RAB39A: variants seen among roughly 807,000 people sequenced by gnomAD.
The protein encoded by RAB39A is ras-related protein Rab-39A.
In RAB39A, 17 loss-of-function variants were observed where a neutral mutation model predicts 20.9. The ratio of observed to expected loss-of-function variants is 0.81; its 90% confidence interval spans 0.56 to 1.22. RAB39A has a LOEUF of 1.22. Among genes scored for constraint, RAB39A ranks in the 50% most tolerant of loss-of-function variants. The pLI is 0.00. For synonymous variants in RAB39A, 99 were observed against 103.4 expected (o/e 0.96, Z 0.26); for missense variants, 234 against 270.5 (o/e 0.87, Z 0.95).
chr11:107,941,955 T>C (rs1861263609), intron 1 of RAB39A, among the ~76,000 whole-genome samples: 1 of 151,874 alleles, frequency 6.6e-6, no homozygotes, highest in African/African-American at 2.4e-5. Flanking sequence ...AAAAAGTAGC[T>C]GGGTTTGATG....
chr11:107,962,443 C>T lies in RAB39A; in HGVS notation c.*71C>T. The T allele has an allele frequency of 1.5e-6, 2 of 1,330,572 alleles. No homozygotes were observed. The highest frequency in any genetic ancestry group is 2.1e-6 in the Non-Finnish European group (2 of 973,756). The allele number at this position is 1,330,572 out of a possible 1,614,324, so 82.4% of individuals were successfully genotyped here. On this transcript the variant is annotated 3_prime_UTR_variant, in exon 2 of 2. Transcript: ENST00000320578. ...TCAGGATAAATACCAACATTAACAG[C>T]AGAATGATGCAATGAAAGAATTTAA...
At chr11:107,934,546 C>T (rs1422035692) in intron 1 of RAB39A, among the ~76,000 whole-genome samples, 2 of 152,310 alleles carry the variant, frequency 1.3e-5, no homozygotes, top group East Asian at 3.9e-4. Flanking sequence ...CCACTAAATA[C>T]TTGAGGTTTG....
intron 1 of RAB39A, among the ~76,000 whole-genome samples, chr11:107,957,690 A>G (rs1861451360): frequency 6.6e-6 from 1 of 152,090 alleles, no homozygotes; most frequent in Admixed American, 6.5e-5. Context: ...CTCACACTGT[A>G]TTTAGGGGTT....
At chr11:107,960,113 G>A (rs1861480397) in intron 1 of RAB39A, among the ~76,000 whole-genome samples, 1 of 151,966 alleles carries the variant, frequency 6.6e-6, no homozygotes, top group Admixed American at 6.6e-5. Flanking sequence ...GGGAGGCCAA[G>A]GCAGGAGAAT....
chr11:107,953,216 T>G (rs566478232), intron 1 of RAB39A, among the ~76,000 whole-genome samples: 2 of 152,340 alleles, frequency 1.3e-5, no homozygotes, highest in Admixed American at 1.3e-4. Context: ...TGAACTTTAG[T>G]CTTGTAAAGC....
chr11:107,955,981 T>G (rs1034043569), intron 1 of RAB39A, among the ~76,000 whole-genome samples: 1 of 152,038 alleles, frequency 6.6e-6, no homozygotes, highest in Non-Finnish European at 1.5e-5. Flanking sequence ...AGGACTCCCT[T>G]CCCCCAAGAA....
intron 1 of RAB39A, among the ~76,000 whole-genome samples, chr11:107,942,169 A>G (rs1440675766): frequency 6.6e-6 from 1 of 152,132 alleles, no homozygotes; most frequent in African/African-American, 2.4e-5. Context: ...AAGATAATCA[A>G]AAATGGAATA....
intron 1 of RAB39A, among the ~76,000 whole-genome samples, chr11:107,932,518 G>GCT (rs1293015769): frequency 1.3e-5 from 2 of 152,166 alleles, no homozygotes; most frequent in Non-Finnish European, 2.9e-5. Flanking sequence ...AGAAAGAGCA[G>GCT]CTCTATACCA....
At position 107,928,797 on chromosome 11, in the gene RAB39A, T is replaced by C; in HGVS notation, c.227+2T>C. The C allele has an allele frequency of 6.5e-7, 1 of 1,538,196 alleles. No individual in the cohort carries two copies. The highest frequency in any genetic ancestry group is 1.4e-5 in the African/African-American group (1 of 73,036). The stretch of plus-strand genomic sequence containing the variant: ...CACGGCGGGACAGGAGCGGTTCAGG[T>C]AGGGACCCCGGGGACCTTGGGCACC... On this transcript the variant is annotated splice_donor_variant, in intron 1 of 1. Coordinates refer to ENST00000320578, the MANE Select transcript of RAB39A (RefSeq NM_017516.3). LOFTEE classifies it high-confidence loss of function. The surrounding 1 kb of genome is among the most constrained non-coding windows in gnomAD (Gnocchi z 4.9).
chr11:107,946,448 A>G (rs1320125466), intron 1 of RAB39A, among the ~76,000 whole-genome samples: 8 of 70,120 alleles, frequency 1.1e-4, no homozygotes, highest in African/African-American at 4.1e-4. Flanking sequence ...ATATATATAT[A>G]TATATATATA....
intron 1 of RAB39A, among the ~76,000 whole-genome samples, chr11:107,960,804 G>A (rs1002853231): frequency 1.6e-4 from 24 of 152,156 alleles, no homozygotes; most frequent in African/African-American, 5.8e-4. Flanking sequence ...TAGAAGCAGA[G>A]GAATACCACC....
At chr11:107,931,863 CTTTTTTTTTT>C (rs35328521) in intron 1 of RAB39A, among the ~76,000 whole-genome samples, 4 of 118,040 alleles carry the variant, frequency 3.4e-5, no homozygotes, top group Admixed American at 2.7e-4. Flanking sequence ...TTCTTTCCTT[CTTTTTTTTTT>C]TTTTTTTTTT....
At chr11:107,952,012 A>G (rs1861385710) in intron 1 of RAB39A, among the ~76,000 whole-genome samples, 1 of 152,204 alleles carries the variant, frequency 6.6e-6, no homozygotes, top group Non-Finnish European at 1.5e-5. Flanking sequence ...TAATCTTTGT[A>G]AATGTATGCA....
chr11:107,953,242 A>G (rs1335274467), intron 1 of RAB39A, among the ~76,000 whole-genome samples: 3 of 152,174 alleles, frequency 2.0e-5, no homozygotes, highest in African/African-American at 4.8e-5. Context: ...TGAAAGATAT[A>G]AGAGATTTGT....
rs566145201 is a variant in RAB39A at position 107,932,384 on chromosome 11, G to A, written c.227+3589G>A. Among the ~76,000 whole-genome samples the A allele has an allele frequency of 2.6e-5, 4 of 152,278 alleles. No homozygotes were observed. In the East Asian group the frequency reaches 5.8e-4, roughly 22 times the overall value. On this transcript the variant is annotated intron_variant, in intron 1 of 1. Coordinates refer to ENST00000320578, the MANE Select transcript of RAB39A (RefSeq NM_017516.3). ...TAGAGTGGTCCAAGTTGGTGGAGTG[G>A]TTCTGCACCAGACCATCATTCAGTT...
At chr11:107,937,800 C>T (rs1861211314) in intron 1 of RAB39A, among the ~76,000 whole-genome samples, 1 of 152,152 alleles carries the variant, frequency 6.6e-6, no homozygotes, top group African/African-American at 2.4e-5. Flanking sequence ...GTCTCTGAGC[C>T]TCTTATTCAA....
At position 107,962,160 on chromosome 11, in the gene RAB39A, G is replaced by A. The variant is rs751427939; in HGVS notation, c.442G>A (p.Asp148Asn). ...TREEAEKLSADCGMKYIETSA... is the reference protein window; with the variant it reads ...TREEAEKLSANCGMKYIETSA... Reference sequence around the variant, plus strand: ...GGAAGAAGCTGAAAAACTGTCAGCAGACTGTGGAATGAAGTATATAGAAAC... The same window carrying A: ...GGAAGAAGCTGAAAAACTGTCAGCAAACTGTGGAATGAAGTATATAGAAAC... Residue 148 changes from aspartate (D) to asparagine (N), a missense_variant, in exon 2 of 2, where the codon GAC becomes AAC. Transcript: ENST00000320578. 3 of 1,613,978 alleles carry A rather than the reference G, an allele frequency of 1.9e-6. No individual in the cohort carries two copies. The Admixed American group carries it at 5.0e-5, about 27-fold the overall frequency.
chr11:107,952,199 A>G (rs528873791), intron 1 of RAB39A, among the ~76,000 whole-genome samples: 12 of 152,372 alleles, frequency 7.9e-5, no homozygotes, highest in African/African-American at 2.4e-4. Context: ...TGGCATATAC[A>G]TACAATGGAA....
chr11:107,929,341 A>G (rs887354343), intron 1 of RAB39A, among the ~76,000 whole-genome samples: 1 of 152,198 alleles, frequency 6.6e-6, no homozygotes, highest in Non-Finnish European at 1.5e-5. Flanking sequence ...CTCACTGGGC[A>G]TGGTTCACAG....
Sources: gnomAD v4.1 joint callset for allele counts (sites outside exome capture counted in the v4.1 genomes callset) on GRCh38, gnomAD v4.1.1 for gene constraint, Gnocchi (gnomAD v3.1) non-coding constraint, MANE v1.5 for transcripts, NCBI Gene and HGNC (gene_info 2026-07-23, HGNC 2026-07-21) for gene names.